The following PXDNL variants were observed in gnomAD, a reference collection of about 807,000 sequenced individuals.
PXDNL encodes probable oxidoreductase PXDNL.
In PXDNL, 145 loss-of-function variants were observed where a neutral mutation model predicts 150.8. The observed-to-expected ratio is 0.96, with a 90% CI of 0.84 to 1.10. PXDNL has a LOEUF of 1.10. Ranked by LOEUF, PXDNL falls within the 50% of genes least tolerant of loss-of-function variation. The probability of loss-of-function intolerance (pLI) is 0.00; values close to 1 mark genes in which losing one functional copy is unlikely to be tolerated. For synonymous variants in PXDNL, 757 were observed against 725.7 expected (o/e 1.04, Z -0.69); for missense variants, 2,087 against 1,873.9 (o/e 1.11, Z -2.10).
intron 1 of PXDNL, among the ~76,000 whole-genome samples, chr8:51,777,114 C>A (rs1369334399): frequency 6.6e-6 from 1 of 152,150 alleles, no homozygotes; most frequent in East Asian, 1.9e-4. Context: ...CAGCCACATG[C>A]CCATTTAATA....
intron 12 of PXDNL, chr8:51,436,222 A>T: frequency 5.7e-6 from 3 of 522,602 alleles, no homozygotes; most frequent in Non-Finnish European, 1.2e-5. Context: ...CCATGTGTTG[A>T]CTTTCACCAT....
rs1806400028 is a variant in PXDNL at position 51,353,003 on chromosome 8, G to A, written c.3902-7056C>T. Among the ~76,000 whole-genome samples, 6 of 152,068 alleles carry A rather than the reference G, an allele frequency of 3.9e-5. No homozygotes were observed. In the South Asian group the frequency reaches 1.2e-3, roughly 32 times the overall value. On this transcript the variant is annotated intron_variant, in intron 19 of 22. Coordinates refer to ENST00000356297, the MANE Select transcript of PXDNL (RefSeq NM_144651.5). ...TGAAGATTACCTATTGAGTACAATG[G>A]TACAAAGAAGTATACAACTAAAAAG... is the stretch of plus-strand genomic sequence containing the variant.
At chr8:51,493,097 G>A (rs1208932486) in intron 5 of PXDNL, among the ~76,000 whole-genome samples, 8 of 152,114 alleles carry the variant, frequency 5.3e-5, no homozygotes, top group Non-Finnish European at 7.3e-5. Context: ...CCAGAGGAAC[G>A]ATCAGGCAGC....
At chr8:51,557,157 G>A (rs1030252467) in intron 3 of PXDNL, among the ~76,000 whole-genome samples, 1 of 152,110 alleles carries the variant, frequency 6.6e-6, no homozygotes, top group East Asian at 1.9e-4. Flanking sequence ...AGTATTTGTG[G>A]AGAAATTCTG....
intron 8 of PXDNL, among the ~76,000 whole-genome samples, chr8:51,462,047 G>A (rs1810096747): frequency 6.6e-6 from 1 of 151,976 alleles, no homozygotes. Context: ...TCCCACACAG[G>A]GCCTTGATAT....
intron 19 of PXDNL, among the ~76,000 whole-genome samples, chr8:51,349,585 T>C (rs1427577413): frequency 3.3e-5 from 5 of 152,206 alleles, no homozygotes; most frequent in African/African-American, 1.2e-4. Flanking sequence ...CCTCAGCACA[T>C]GCTTGTGGCA....
chr8:51,596,757 T>C (rs1309462906), intron 2 of PXDNL, among the ~76,000 whole-genome samples: 4 of 152,116 alleles, frequency 2.6e-5, no homozygotes, highest in Admixed American at 2.0e-4. Context: ...AGGTTATTTG[T>C]TTTTTGCTTG....
intron 1 of PXDNL, among the ~76,000 whole-genome samples, chr8:51,663,395 A>T (rs13265125): frequency 0.56 from 85,748 of 152,050 alleles, 28,081 homozygotes; most frequent in Non-Finnish European, 0.72. Context: ...CACTTTTCTC[A>T]GGCAGGGCAA....
intron 1 of PXDNL, among the ~76,000 whole-genome samples, chr8:51,663,257 A>C (rs1285210271): frequency 1.3e-5 from 2 of 152,212 alleles, no homozygotes; most frequent in African/African-American, 4.8e-5. Flanking sequence ...GAGGAAGCTG[A>C]GACCCCAGTG....
At chr8:51,773,182 A>G (rs1306963505) in intron 1 of PXDNL, among the ~76,000 whole-genome samples, 3 of 152,236 alleles carry the variant, frequency 2.0e-5, no homozygotes, top group Non-Finnish European at 2.9e-5. Context: ...GTCAAACGCC[A>G]TGCTTAGCCT....
chr8:51,764,106 C>T (rs2037198428), intron 1 of PXDNL, among the ~76,000 whole-genome samples: 1 of 152,032 alleles, frequency 6.6e-6, no homozygotes, highest in Non-Finnish European at 1.5e-5. Context: ...CATCATATTG[C>T]CTTATAATCC....
rs1364729119 is a variant in PXDNL at position 51,643,408 on chromosome 8, T to A, written c.236+11281A>T. Among the ~76,000 whole-genome samples the A allele has an allele frequency of 2.6e-5, 4 of 152,272 alleles. No homozygotes were observed. In the South Asian group the frequency reaches 6.2e-4, roughly 24 times the overall value. ...ATACCACACATCTACAACCATCTGA[T>A]CTTTGACAAACCTGACAAAAACAAG... On this transcript the variant is annotated intron_variant, in intron 2 of 22. Transcript: ENST00000356297.
intron 2 of PXDNL, among the ~76,000 whole-genome samples, chr8:51,598,428 T>G (rs1813620961): frequency 6.6e-6 from 1 of 152,070 alleles, no homozygotes; most frequent in Admixed American, 6.6e-5. Context: ...TTCTTGAGAG[T>G]TTTCATTATG....
chr8:51,590,030 A>G lies in PXDNL; in HGVS notation c.308+2597T>C, dbSNP rs115281269. Among the ~76,000 whole-genome samples, 699 of 152,178 alleles carry G rather than the reference A, an allele frequency of 4.6e-3. 3 individuals carry two copies. Among genetic ancestry groups the G allele is most frequent in the African/African-American group, 0.016 (685 of 41,534 alleles). On this transcript the variant is annotated intron_variant, in intron 3 of 22. Coordinates refer to ENST00000356297, the MANE Select transcript of PXDNL (RefSeq NM_144651.5). The stretch of plus-strand genomic sequence containing the variant: ...GCCCTGAGCTCTAGAAAAACAGAAT[A>G]GTTTCAGGGAATGGGCTCAAGATAC...
chr8:51,346,548 G>A (rs1018186701), intron 19 of PXDNL, among the ~76,000 whole-genome samples: 5 of 152,152 alleles, frequency 3.3e-5, no homozygotes, highest in South Asian at 2.1e-4. Flanking sequence ...GATATAGTAC[G>A]GATATCCCCC....
intron 4 of PXDNL, among the ~76,000 whole-genome samples, chr8:51,540,979 G>A (rs1812204525): frequency 6.6e-6 from 1 of 151,878 alleles, no homozygotes; most frequent in South Asian, 2.1e-4. Flanking sequence ...TGGACTTTCA[G>A]CTGGTTGCAG....
chr8:51,403,427 C>T (rs1808329592), intron 17 of PXDNL, among the ~76,000 whole-genome samples: 1 of 152,138 alleles, frequency 6.6e-6, no homozygotes. Context: ...CTGCTGTCCT[C>T]CCCTCTAAGG....
intron 2 of PXDNL, among the ~76,000 whole-genome samples, chr8:51,647,902 T>TC (rs1173628325): frequency 4.6e-5 from 7 of 152,194 alleles, no homozygotes; most frequent in African/African-American, 1.7e-4. Flanking sequence ...TTAGCTTCTT[T>TC]CTTTTTACTT....
chr8:51,465,926 G>A (rs1480518054), intron 8 of PXDNL, among the ~76,000 whole-genome samples: 1 of 152,084 alleles, frequency 6.6e-6, no homozygotes, highest in East Asian at 1.9e-4. Context: ...AGCATTTCAT[G>A]CTCATAAATT....
Sources: allele counts gnomAD v4.1 joint callset (sites outside exome capture counted in the v4.1 genomes callset), GRCh38; gene constraint gnomAD v4.1.1; transcripts MANE v1.5; gene names NCBI Gene and HGNC (gene_info 2026-07-23, HGNC 2026-07-21).